HLCS: variants seen among roughly 807,000 people sequenced by gnomAD.
HLCS encodes the protein holocarboxylase synthetase.
In HLCS, 53 loss-of-function variants were observed where a neutral mutation model predicts 75.0. The ratio of observed to expected loss-of-function variants is 0.71; its 90% CI spans 0.57 to 0.89. The LOEUF (loss-of-function observed/expected upper bound fraction) is 0.89, where lower values mean the gene tolerates loss of function less well. Ranked by LOEUF, HLCS falls within the 40% of genes least tolerant of loss-of-function variation. HLCS has a pLI of 0.00. For synonymous variants in HLCS, 431 were observed against 428.6 expected, an observed-to-expected ratio of 1.01 and a Z score of -0.07; for missense variants, 966 against 1,074.0, an observed-to-expected ratio of 0.90 and a Z score of 1.41.
chr21:36,869,397 G>A (rs1376160744), intron 6 of HLCS, among the ~76,000 whole-genome samples: 1 of 152,140 alleles, frequency 6.6e-6, no homozygotes, highest in African/African-American at 2.4e-5. Flanking sequence ...CTCCCAAAGT[G>A]CTGGGGTTAC....
At chr21:36,807,652 G>A (rs889813067) in intron 6 of HLCS, among the ~76,000 whole-genome samples, 2 of 152,184 alleles carry the variant, frequency 1.3e-5, no homozygotes, top group Non-Finnish European at 2.9e-5. Flanking sequence ...GTGACAGCAT[G>A]TGATGGTCAA....
intron 6 of HLCS, among the ~76,000 whole-genome samples, chr21:36,839,017 C>G (rs1202747478): frequency 6.9e-6 from 1 of 145,874 alleles, no homozygotes; most frequent in Non-Finnish European, 1.5e-5. Flanking sequence ...ATTCCAGATA[C>G]ACAGATATAT....
chr21:36,754,978 G>T (rs1282658889), intron 10 of HLCS, among the ~76,000 whole-genome samples: 1 of 152,264 alleles, frequency 6.6e-6, no homozygotes, highest in South Asian at 2.1e-4. Flanking sequence ...AAAGCTGAAA[G>T]AATAGTGCAA....
At chr21:36,818,902 A>G (rs761254373) in intron 6 of HLCS, among the ~76,000 whole-genome samples, 1 of 152,164 alleles carries the variant, frequency 6.6e-6, no homozygotes, top group Non-Finnish European at 1.5e-5. Context: ...TGGGCCTAAT[A>G]TTGACTGGAA....
At chr21:36,820,457 GCAGGGCCTGTCC>G (rs1350359174) in intron 6 of HLCS, among the ~76,000 whole-genome samples, 1 of 152,232 alleles carries the variant, frequency 6.6e-6, no homozygotes, top group Non-Finnish European at 1.5e-5. Flanking sequence ...TGCTCCTGCT[GCAGGGCCTGTCC>G]CTGCTCCCGG....
intron 5 of HLCS, among the ~76,000 whole-genome samples, chr21:36,920,277 G>A (rs1390242423): frequency 1.3e-5 from 2 of 150,796 alleles, no homozygotes; most frequent in African/African-American, 4.9e-5. Context: ...AGGCTGCAGT[G>A]AGCCATGATC....
Position 36,897,078 on chromosome 21 carries a change from T to C in HLCS, c.1674A>G (p.Gly558=). ...QWLGKHVDSE[G]EIKSGQLSLR... is the part of the protein sequence containing the mutation. The stretch of plus-strand genomic sequence containing the variant: ...GAGAGAGCTGGCCGGATTTTATTTC[T>C]CCCTCGGAGTCCACATGTTTCCCAA... Residue 558 remains glycine, a synonymous_variant, in exon 6 of 11, where the codon GGA becomes GGG. Transcript: ENST00000674895. The C allele has an allele frequency of 6.2e-7, 1 of 1,614,110 alleles. No homozygotes were observed. The highest frequency in any genetic ancestry group is 1.1e-5 in the South Asian group (1 of 91,086).
At chr21:36,843,878 T>C (rs891422386) in intron 6 of HLCS, among the ~76,000 whole-genome samples, 2 of 152,064 alleles carry the variant, frequency 1.3e-5, no homozygotes, top group African/African-American at 4.8e-5. Flanking sequence ...TTTGGTGGCA[T>C]GCACTTGTAG....
chr21:36,811,364 C>G (rs933402631), intron 6 of HLCS, among the ~76,000 whole-genome samples: 1 of 152,122 alleles, frequency 6.6e-6, no homozygotes, highest in African/African-American at 2.4e-5. Flanking sequence ...CAATATATAT[C>G]ACTTCATTTC....
At chr21:36,788,081 A>G (rs1213837072) in intron 6 of HLCS, among the ~76,000 whole-genome samples, 2 of 152,146 alleles carry the variant, frequency 1.3e-5, no homozygotes, top group Non-Finnish European at 2.9e-5. Context: ...CTGTGGGGCC[A>G]CCACTCCCCA....
At position 36,928,327 on chromosome 21, in the gene HLCS, G is replaced by A. The variant is rs115775266; in HGVS notation, c.1620+1924C>T. Reference sequence around the variant, plus strand: ...GCCATGCCTGTAATCCCAACACTTTGGAAAGCCAAGGCAGGCAGATTGCTT... The same window carrying A: ...GCCATGCCTGTAATCCCAACACTTTAGAAAGCCAAGGCAGGCAGATTGCTT... On this transcript the variant is annotated intron_variant, in intron 5 of 10. Transcript: ENST00000674895. 3.5e-3 allele frequency among the ~76,000 whole-genome samples: 531 copies of A among 152,282 alleles called. 2 individuals are homozygous for A. The highest frequency in any genetic ancestry group is 0.011 in the African/African-American group (468 of 41,530).
intron 9 of HLCS, among the ~76,000 whole-genome samples, chr21:36,757,898 G>T (rs188284110): frequency 2.0e-5 from 3 of 152,022 alleles, no homozygotes; most frequent in Admixed American, 2.0e-4. Flanking sequence ...AAATTCTCCC[G>T]TGTTCAGAAA....
At chr21:36,964,561 T>C (rs1015478703) in intron 1 of HLCS, among the ~76,000 whole-genome samples, 5 of 152,210 alleles carry the variant, frequency 3.3e-5, no homozygotes, top group Non-Finnish European at 7.3e-5. Context: ...CCATCCCATC[T>C]AGTCTGGAAA....
intron 1 of HLCS, among the ~76,000 whole-genome samples, chr21:36,989,846 C>A (rs2069311663): frequency 6.6e-6 from 1 of 152,120 alleles, no homozygotes; most frequent in Non-Finnish European, 1.5e-5. Flanking sequence ...GTTCTCAGGC[C>A]GCGTCGCCGC....
chr21:36,876,598 C>T (rs910046741), intron 6 of HLCS, among the ~76,000 whole-genome samples: 1 of 152,090 alleles, frequency 6.6e-6, no homozygotes, highest in African/African-American at 2.4e-5. Context: ...TAATTTAATT[C>T]CATGGTGGAC....
chr21:36,760,549 G>T (rs1319193862), intron 8 of HLCS, among the ~76,000 whole-genome samples: 2 of 151,634 alleles, frequency 1.3e-5, no homozygotes, highest in East Asian at 3.9e-4. Context: ...GGCGGAGGTT[G>T]CAGCGAGCCG....
intron 1 of HLCS, among the ~76,000 whole-genome samples, chr21:36,979,249 G>A (rs1176790052): frequency 4.0e-5 from 6 of 150,310 alleles, no homozygotes; most frequent in Admixed American, 4.0e-4. Flanking sequence ...TCCAGGCCTG[G>A]GTGACAGAGC....
Position 36,855,809 on chromosome 21 carries a change from C to G in HLCS, c.1892+41051G>C, listed in dbSNP as rs779429465. On this transcript the variant is annotated intron_variant, in intron 6 of 10. Transcript: ENST00000674895. ...CCCAGGCTGGTCTCAAACTCTTGAGCTCAAGTGATCTGCCCTCCTTGGCTT... is the reference window on the plus strand; with the variant it reads ...CCCAGGCTGGTCTCAAACTCTTGAGGTCAAGTGATCTGCCCTCCTTGGCTT... 5.3e-5 allele frequency among the ~76,000 whole-genome samples: 8 copies of G among 152,206 alleles called. No homozygotes were observed. The Middle Eastern group carries it at 0.01, about 194-fold the overall frequency.
rs112589752 is a variant in HLCS, at chr21:36,914,632, T to C, written c.1620+15619A>G. Among the ~76,000 whole-genome samples, 1,139 of 152,332 alleles carry C rather than the reference T, an allele frequency of 7.5e-3. 4 individuals carry two copies. The highest frequency in any genetic ancestry group is 0.013 in the Non-Finnish European group (892 of 68,030). On this transcript the variant is annotated intron_variant, in intron 5 of 10. Transcript: ENST00000674895. ...GTCATTTCTAATAAGGCTGGTTTTA[T>C]AGGCATCACACCTCCACCAAGCCAA...
Sources: allele counts gnomAD v4.1 joint callset (sites outside exome capture counted in the v4.1 genomes callset), GRCh38; gene constraint gnomAD v4.1.1; transcripts MANE v1.5; gene names NCBI Gene and HGNC (gene_info 2026-07-23, HGNC 2026-07-21).